Variants in TRAPPC9 observed in about 807,000 individuals in gnomAD.
TRAPPC9 encodes the protein IKK2 binding protein.
In TRAPPC9, 83 loss-of-function variants were observed where a neutral mutation model predicts 124.0. That is an observed-to-expected ratio of 0.67 (90% CI 0.56 to 0.80). The LOEUF (loss-of-function observed/expected upper bound fraction) is 0.80, where lower values mean the gene tolerates loss of function less well. Ranked by LOEUF, TRAPPC9 falls within the 30% of genes least tolerant of loss-of-function variation. TRAPPC9 has a pLI of 0.00. For missense variants in TRAPPC9, 1,302 were observed against 1,508.3 expected (o/e 0.86, Z 2.27); for synonymous variants, 638 against 617.5 (o/e 1.03, Z -0.49).
At position 139,990,422 on chromosome 8, in the gene TRAPPC9, G is replaced by C. The variant is rs142171468; in HGVS notation, c.2700-1586C>G. 3.9e-5 allele frequency among the ~76,000 whole-genome samples: 6 copies of C among 152,276 alleles called. No individual in the cohort carries two copies. The East Asian group carries it at 5.8e-4, about 15-fold the overall frequency. On this transcript the variant is annotated intron_variant, in intron 18 of 22. Transcript: ENST00000438773. ...GAGCAGAACTGAGGTACAGGGGGTA[G>C]AGTGACAGGCCCAGAAGTTCACACA...
At position 140,457,692 on chromosome 8, in the gene TRAPPC9, G is replaced by A. The variant is rs932407588; in HGVS notation, c.-64C>T. On this transcript the variant is annotated 5_prime_UTR_variant, in exon 1 of 23. Coordinates refer to ENST00000438773, the MANE Select transcript of TRAPPC9 (RefSeq NM_001160372.4). ...GAGCCCACGACCTGGCGGGCAGCGG[G>A]GCCGAGCAGCCTCTGCGGCCACTTC... is the stretch of plus-strand genomic sequence containing the variant. 2 of 987,204 alleles carry A rather than the reference G, an allele frequency of 2.0e-6. No individual in the cohort carries two copies. The highest frequency in any genetic ancestry group is 3.5e-5 in the African/African-American group (2 of 57,392). The allele number at this position is 987,204 out of a possible 1,614,324, so 61.2% of individuals were successfully genotyped here.
chr8:139,841,214 G>GCCTCCCTCTTCTC (rs1350367357), intron 21 of TRAPPC9, among the ~76,000 whole-genome samples: 2 of 152,094 alleles, frequency 1.3e-5, no homozygotes, highest in Non-Finnish European at 2.9e-5. Flanking sequence ...CTCCTCTTCT[G>GCCTCCCTCTTCTC]CCTCCCTCTT....
chr8:140,175,921 C>T (rs1253324520), intron 17 of TRAPPC9, among the ~76,000 whole-genome samples: 1 of 152,258 alleles, frequency 6.6e-6, no homozygotes, highest in Non-Finnish European at 1.5e-5. Flanking sequence ...ACTTATTCGG[C>T]AGTGAATGTG....
At chr8:139,880,795 G>C (rs1453465649) in intron 21 of TRAPPC9, among the ~76,000 whole-genome samples, 2 of 152,190 alleles carry the variant, frequency 1.3e-5, no homozygotes, top group African/African-American at 4.8e-5. Context: ...GAGATAAACT[G>C]TGACACTGCA....
intron 19 of TRAPPC9, 88 bp downstream of exon 19, chr8:139,988,638 T>C: frequency 1.2e-6 from 1 of 857,886 alleles, no homozygotes; most frequent in Non-Finnish European, 1.9e-6. Context: ...TCTGAGGACT[T>C]GGGGTGGATT....
intron 17 of TRAPPC9, among the ~76,000 whole-genome samples, chr8:140,086,772 T>A (rs544242438): frequency 2.6e-4 from 40 of 152,000 alleles, no homozygotes; most frequent in African/African-American, 8.7e-4. Flanking sequence ...TCTACTTTTT[T>A]AAAAATACAA....
chr8:140,396,111 C>T (rs1225833485), intron 7 of TRAPPC9, among the ~76,000 whole-genome samples: 1 of 149,804 alleles, frequency 6.7e-6, no homozygotes, highest in Non-Finnish European at 1.5e-5. Context: ...AATCTGGTCA[C>T]ATCAGTCCCT....
chr8:140,273,964 C>T (rs536481669), intron 15 of TRAPPC9, among the ~76,000 whole-genome samples: 1 of 152,168 alleles, frequency 6.6e-6, no homozygotes, highest in Non-Finnish European at 1.5e-5. Context: ...GCCAAATTAA[C>T]AACTGCCAGC....
intron 21 of TRAPPC9, among the ~76,000 whole-genome samples, chr8:139,815,782 G>A (rs1296198735): frequency 6.6e-6 from 1 of 152,244 alleles, no homozygotes; most frequent in African/African-American, 2.4e-5. Context: ...GGTGGGGTGA[G>A]CAGTGGCTCC....
chr8:140,319,760 G>A (rs940306209), intron 9 of TRAPPC9, among the ~76,000 whole-genome samples: 4 of 152,182 alleles, frequency 2.6e-5, no homozygotes, highest in Non-Finnish European at 5.9e-5. Context: ...GAGCAACTAC[G>A]CCTGGCCCAA....
chr8:140,270,758 G>A (rs1385480329), intron 15 of TRAPPC9, among the ~76,000 whole-genome samples: 1 of 152,200 alleles, frequency 6.6e-6, no homozygotes, highest in Non-Finnish European at 1.5e-5. Flanking sequence ...AGGAAAGGGT[G>A]TGTCTATGGC....
At chr8:139,953,918 A>T (rs1315578362) in intron 19 of TRAPPC9, among the ~76,000 whole-genome samples, 1 of 152,224 alleles carries the variant, frequency 6.6e-6, no homozygotes, top group African/African-American at 2.4e-5. Context: ...CTAAAATGAA[A>T]AAGACTGACC....
At chr8:140,180,048 G>C (rs1420388254) in intron 17 of TRAPPC9, among the ~76,000 whole-genome samples, 2 of 109,416 alleles carry the variant, frequency 1.8e-5, no homozygotes, top group African/African-American at 6.7e-5. Context: ...CTATATTGAA[G>C]CTCTTAGGTC....
chr8:140,093,528 C>T (rs1185194637), intron 17 of TRAPPC9, among the ~76,000 whole-genome samples: 1 of 152,142 alleles, frequency 6.6e-6, no homozygotes, highest in African/African-American at 2.4e-5. Flanking sequence ...ATTAGCCAGG[C>T]ATGATGGCGT....
At chr8:140,380,541 A>G (rs200408183) in intron 7 of TRAPPC9, among the ~76,000 whole-genome samples, 2 of 151,290 alleles carry the variant, frequency 1.3e-5, no homozygotes, top group African/African-American at 2.4e-5. Flanking sequence ...TGTAATCCCA[A>G]CTACTCAGGA....
At chr8:140,091,388 C>T (rs1181144754) in intron 17 of TRAPPC9, among the ~76,000 whole-genome samples, 1 of 152,206 alleles carries the variant, frequency 6.6e-6, no homozygotes, top group Non-Finnish European at 1.5e-5. Flanking sequence ...ATGGGCGAGG[C>T]TGAGTTAATA....
chr8:139,886,096 G>T (rs751951144), intron 20 of TRAPPC9, 127 bp from the exon 21 acceptor site: 1 of 900,054 alleles, frequency 1.1e-6, no homozygotes, highest in Non-Finnish European at 1.8e-6. Context: ...CTTCTGAAGG[G>T]ACTGTCTAAC....
intron 5 of TRAPPC9, among the ~76,000 whole-genome samples, chr8:140,419,201 G>C (rs911156052): frequency 1.2e-4 from 18 of 151,864 alleles, no homozygotes; most frequent in African/African-American, 4.4e-4. Context: ...GGCCGAGGCG[G>C]GTGGATCAGG....
chr8:140,291,427 G>A (rs1238629459), intron 11 of TRAPPC9, among the ~76,000 whole-genome samples: 3 of 152,228 alleles, frequency 2.0e-5, no homozygotes, highest in African/African-American at 7.2e-5. Flanking sequence ...AGACGGCACT[G>A]GGGTCACTTG....
Sources: allele counts gnomAD v4.1 joint callset (sites outside exome capture counted in the v4.1 genomes callset), GRCh38; gene constraint gnomAD v4.1.1; transcripts MANE v1.5; gene names NCBI Gene and HGNC (gene_info 2026-07-23, HGNC 2026-07-21).